XPO6: variants seen among roughly 807,000 people sequenced by gnomAD.
XPO6 encodes the protein exportin-6.
In XPO6, 3 loss-of-function variants were observed where a neutral mutation model predicts 130.0. The observed-to-expected ratio is 0.02, with a 90% CI of 0.01 to 0.06. The LOEUF (loss-of-function observed/expected upper bound fraction) is 0.06. Among genes scored for constraint, XPO6 ranks in the 10% least tolerant of loss-of-function variants. The pLI is 1.00. For synonymous variants in XPO6, 524 were observed against 548.9 expected, an observed-to-expected ratio of 0.95 and a Z score of 0.63; for missense variants, 970 against 1,393.0, an observed-to-expected ratio of 0.70 and a Z score of 4.83.
chr16:28,128,802 C>G (rs2042610798), intron 12 of XPO6, among the ~76,000 whole-genome samples: 1 of 152,168 alleles, frequency 6.6e-6, no homozygotes. Flanking sequence ...GTAAATCTCC[C>G]TGTGATTGCT....
intron 23 of XPO6, among the ~76,000 whole-genome samples, chr16:28,100,760 A>G (rs1190802321): frequency 6.6e-6 from 1 of 152,242 alleles, no homozygotes; most frequent in African/African-American, 2.4e-5. Context: ...CAGGAAGAAG[A>G]GAACAGGTGA....
rs1038157150 is a variant in XPO6 at position 28,211,880 on chromosome 16, A to G, written c.-512T>C. Reference sequence around the variant, plus strand: ...CACACGGCCACTGCCGCCGCCCCCTAGAGCATCCTTGCGCGCGCCCGCCCT... The same window carrying G: ...CACACGGCCACTGCCGCCGCCCCCTGGAGCATCCTTGCGCGCGCCCGCCCT... On this transcript the variant is annotated 5_prime_UTR_variant, in exon 1 of 24. The change abolishes the stop of an existing upstream ORF in the 5' untranslated region. Coordinates refer to ENST00000304658, the MANE Select transcript of XPO6 (RefSeq NM_015171.4). 2 of 164,198 alleles carry G rather than the reference A, an allele frequency of 1.2e-5. No homozygotes were observed. The highest frequency in any genetic ancestry group is 4.8e-5 in the African/African-American group (2 of 41,824). 10.2% of individuals were successfully genotyped at this position (164,198 alleles called of 1,614,324 possible). A position where few individuals can be genotyped will look rare whatever the true frequency, so the allele number is the denominator to read the frequency against.
At chr16:28,206,460 T>C (rs567223596) in intron 1 of XPO6, among the ~76,000 whole-genome samples, 5 of 152,194 alleles carry the variant, frequency 3.3e-5, no homozygotes, top group East Asian at 3.9e-4. Context: ...GGTGGGAGGA[T>C]TGCCTTGAGA....
chr16:28,151,353 T>C (rs1163057309), intron 8 of XPO6, among the ~76,000 whole-genome samples: 1 of 151,590 alleles, frequency 6.6e-6, no homozygotes, highest in African/African-American at 2.4e-5. Context: ...AGCAGGGGAG[T>C]GAACTTGCAA....
chr16:28,132,528 G>GTTGGGAGGCCGAGGCGGGCGGATCACGA lies in XPO6; in HGVS notation c.1537-126_1537-125insTCGTGATCCGCCCGCCTCGGCCTCCCAA. ...GGAACAGGATCAAAACCTTTTCTCT[G>GTTGGGAGGCCGAGGCGGGCGGATCACGA]GGAACCTTTAAATGCAGCTAAAAAG... is the stretch of plus-strand genomic sequence containing the variant. On this transcript the variant is annotated intron_variant, in intron 11 of 23. Transcript: ENST00000304658. This position sits in a 1 kb window ranked among gnomAD's most constrained non-coding sequence, Gnocchi z 4.0. The GTTGGGAGGCCGAGGCGGGCGGATCACGA allele has an allele frequency of 1.6e-6, 1 of 636,826 alleles. No homozygotes were observed. The highest frequency in any genetic ancestry group is 2.6e-6 in the Non-Finnish European group (1 of 382,844). The allele number at this position is 636,826 out of a possible 1,614,324, so 39.4% of individuals were successfully genotyped here. A position where few individuals can be genotyped will look rare whatever the true frequency, so the allele number is the denominator to read the frequency against.
At chr16:28,130,918 G>A (rs550855718) in intron 12 of XPO6, among the ~76,000 whole-genome samples, 2 of 152,260 alleles carry the variant, frequency 1.3e-5, no homozygotes, top group African/African-American at 4.8e-5. Flanking sequence ...CAGTGTGGGG[G>A]AGGAAAGAAC....
intron 9 of XPO6, among the ~76,000 whole-genome samples, chr16:28,139,005 T>A (rs2042834852): frequency 6.6e-6 from 1 of 152,204 alleles, no homozygotes; most frequent in Non-Finnish European, 1.5e-5. Flanking sequence ...ATAATAACAA[T>A]GCTCCATGAG....
chr16:28,154,253 T>C (rs1394772783), intron 7 of XPO6: 4 of 864,780 alleles, frequency 4.6e-6, no homozygotes, highest in Non-Finnish European at 5.2e-6. Context: ...CTACTACCCA[T>C]TTAAAAAAAA....
In XPO6 at chr16:28,176,109, A is replaced by G. The variant is rs1199840947; in HGVS notation, c.208-14T>C. ...ATTGATCAGATTCTGAAAAACAAATATACATCTTTTAAGTTAACAACCTAT... is the reference window on the plus strand; with the variant it reads ...ATTGATCAGATTCTGAAAAACAAATGTACATCTTTTAAGTTAACAACCTAT... On this transcript the variant is annotated splice_polypyrimidine_tract_variant and intron_variant, in intron 3 of 23. Coordinates refer to ENST00000304658, the MANE Select transcript of XPO6 (RefSeq NM_015171.4). 1.2e-6 allele frequency: 2 copies of G among 1,613,576 alleles called. No homozygotes were observed. The highest frequency in any genetic ancestry group is 1.7e-6 in the Non-Finnish European group (2 of 1,179,746).
In XPO6 at chr16:28,098,147, A is replaced by G. The variant is rs2086574629; in HGVS notation, c.*391T>C. The stretch of plus-strand genomic sequence containing the variant: ...GGGGGAGGCTTGACAGAAGTGCCAG[A>G]GCAGTTCCAACGTCACATCTCTCCT... On this transcript the variant is annotated 3_prime_UTR_variant, in exon 24 of 24. Transcript: ENST00000304658. The G allele has an allele frequency of 1.7e-5, 3 of 171,442 alleles. No individual in the cohort carries two copies. In the South Asian group the frequency reaches 5.5e-4, roughly 31 times the overall value. 10.6% of individuals were successfully genotyped at this position (171,442 alleles called of 1,614,324 possible). A position where few individuals can be genotyped will look rare whatever the true frequency, so the allele number is the denominator to read the frequency against.
chr16:28,183,410 A>G (rs2141875813), intron 1 of XPO6: 1 of 139,334 alleles, frequency 7.2e-6, no homozygotes, highest in Admixed American at 7.7e-5. Flanking sequence ...CGTTCTCACT[A>G]CTACACTTCA....
chr16:28,177,837 G>A (rs1240350215), intron 2 of XPO6, among the ~76,000 whole-genome samples: 6 of 152,178 alleles, frequency 3.9e-5, no homozygotes, highest in Admixed American at 2.0e-4. Context: ...AAAAATGCAA[G>A]AGAATTCAAA....
rs1267914911 is a variant in XPO6 at position 28,185,190 on chromosome 16, T to C, written c.4-4159A>G. 7.2e-5 allele frequency among the ~76,000 whole-genome samples: 11 copies of C among 152,096 alleles called. No homozygotes were observed. In the East Asian group the frequency reaches 2.1e-3, roughly 29 times the overall value. Reference sequence around the variant, plus strand: ...CCTTTCATTATTCACTTTATATTAATTTTAACAACAACAACAAAAAAAAGC... The same window carrying C: ...CCTTTCATTATTCACTTTATATTAACTTTAACAACAACAACAAAAAAAAGC... On this transcript the variant is annotated intron_variant, in intron 1 of 23. Transcript: ENST00000304658.
At chr16:28,167,586 A>C (rs1376298584) in intron 5 of XPO6, among the ~76,000 whole-genome samples, 1 of 152,206 alleles carries the variant, frequency 6.6e-6, no homozygotes, top group African/African-American at 2.4e-5. Flanking sequence ...GAATTCCTGC[A>C]CATAAAACAT....
chr16:28,207,784 G>A (rs534216351), intron 1 of XPO6, among the ~76,000 whole-genome samples: 9 of 152,232 alleles, frequency 5.9e-5, no homozygotes, highest in South Asian at 2.1e-4. Flanking sequence ...TCCATCTCCC[G>A]CTCTGGCAGG....
chr16:28,161,502 G>C (rs74014227), intron 6 of XPO6, among the ~76,000 whole-genome samples: 24 of 151,486 alleles, frequency 1.6e-4, no homozygotes, highest in African/African-American at 5.8e-4. Context: ...CCAAAAAAAA[G>C]AAAAGTAGAT....
At chr16:28,125,880 AG>A in intron 12 of XPO6, 32 bp from the exon 13 acceptor site, 2 of 1,603,698 alleles carry the variant, frequency 1.2e-6, no homozygotes, top group Non-Finnish European at 8.5e-7. Context: ...AGTTTTTCAC[AG>A]GAAGACCACG....
chr16:28,188,436 CT>C (rs1379764487), intron 1 of XPO6, among the ~76,000 whole-genome samples: 1 of 152,104 alleles, frequency 6.6e-6, no homozygotes. Context: ...TGTGGCATAT[CT>C]AGAACAGTGT....
intron 1 of XPO6, among the ~76,000 whole-genome samples, chr16:28,207,871 G>A (rs1369092371): frequency 6.6e-6 from 1 of 152,202 alleles, no homozygotes. Context: ...TTGGCCAGGC[G>A]CAGTGGCTCA....
Sources: gnomAD v4.1 joint callset for allele counts (sites outside exome capture counted in the v4.1 genomes callset) on GRCh38, gnomAD v4.1.1 for gene constraint, Gnocchi (gnomAD v3.1) non-coding constraint, MANE v1.5 for transcripts, NCBI Gene and HGNC (gene_info 2026-07-23, HGNC 2026-07-21) for gene names.